LRP12: variants seen among roughly 807,000 people sequenced by gnomAD.
The protein encoded by LRP12 is LDL receptor related protein 12, also known as low-density lipoprotein receptor-related protein 12.
Under a neutral mutation model 66.0 loss-of-function variants are expected in LRP12, and 14 were observed. That is an observed-to-expected ratio of 0.21 (90% CI 0.14 to 0.33). The LOEUF (loss-of-function observed/expected upper bound fraction) is 0.33, where lower values mean the gene tolerates loss of function less well. Among genes scored for constraint, LRP12 ranks in the 10% least tolerant of loss-of-function variants. The pLI, the probability that LRP12 is intolerant of heterozygous loss-of-function variation, is 1.00. For missense variants in LRP12, 889 were observed against 1,053.4 expected (o/e 0.84, Z 2.16); for synonymous variants, 357 against 359.1 (o/e 0.99, Z 0.07).
intron 1 of LRP12, among the ~76,000 whole-genome samples, chr8:104,565,777 C>T (rs546076534): frequency 1.6e-4 from 24 of 150,726 alleles, no homozygotes; most frequent in South Asian, 8.4e-4. Flanking sequence ...AGGAGAGTGG[C>T]GTGAACTCGG....
At chr8:104,506,387 A>AT (rs1227326427) in intron 3 of LRP12, 1 of 152,062 alleles carries the variant, frequency 6.6e-6, no homozygotes, top group Non-Finnish European at 1.5e-5. Flanking sequence ...TCAGCATTCA[A>AT]TTTTTTCACA....
chr8:104,577,859 A>G (rs577066250), intron 1 of LRP12, among the ~76,000 whole-genome samples: 2 of 152,088 alleles, frequency 1.3e-5, no homozygotes, highest in East Asian at 3.9e-4. Context: ...CCAATGGAAC[A>G]AAGATACAAC....
chr8:104,574,704 T>C (rs1363865888), intron 1 of LRP12, among the ~76,000 whole-genome samples: 2 of 152,226 alleles, frequency 1.3e-5, no homozygotes, highest in East Asian at 3.8e-4. Flanking sequence ...AGACTGAGCA[T>C]GAAAAACATA....
intron 6 of LRP12, 117 bp from the exon 7 acceptor site, chr8:104,491,656 T>G (rs1810633484): frequency 3.6e-6 from 3 of 827,298 alleles, no homozygotes; most frequent in Admixed American, 6.7e-5. Context: ...TACTCATTGT[T>G]GCTTTTGGGT....
intron 5 of LRP12, chr8:104,495,864 G>A (rs1588481614): frequency 1.3e-5 from 2 of 151,166 alleles, no homozygotes; most frequent in African/African-American, 2.4e-5. Flanking sequence ...GGAGTGCAGT[G>A]AGCTGAGATC....
intron 1 of LRP12, among the ~76,000 whole-genome samples, chr8:104,544,426 A>G (rs1475364655): frequency 1.3e-5 from 2 of 152,232 alleles, no homozygotes; most frequent in Admixed American, 6.5e-5. Flanking sequence ...CAGATTCTCA[A>G]TGTAGATGAA....
intron 1 of LRP12, among the ~76,000 whole-genome samples, chr8:104,578,434 T>G (rs1812199357): frequency 6.6e-6 from 1 of 152,150 alleles, no homozygotes; most frequent in African/African-American, 2.4e-5. Context: ...CCAGATGGAT[T>G]CACAGCTGAA....
chr8:104,515,084 G>A (rs1564133296), intron 2 of LRP12, among the ~76,000 whole-genome samples: 1 of 152,106 alleles, frequency 6.6e-6, no homozygotes, highest in Non-Finnish European at 1.5e-5. Flanking sequence ...GGAAGGATAG[G>A]GTTGGGACAC....
rs1423692995 is a variant in LRP12 at position 104,541,431 on chromosome 8, G to A, written c.80-9468C>T. ...CTGTGGTTCACAAGAATAAATATGA[G>A]TTTGAAAGAATTCAGAACGCCAGGA... On this transcript the variant is annotated intron_variant, in intron 1 of 6. Coordinates refer to ENST00000276654, the MANE Select transcript of LRP12 (RefSeq NM_013437.5). 3.9e-5 allele frequency among the ~76,000 whole-genome samples: 6 copies of A among 152,232 alleles called. No homozygotes were observed. The East Asian group carries it at 1.2e-3, about 29-fold the overall frequency.
intron 1 of LRP12, among the ~76,000 whole-genome samples, chr8:104,564,319 C>T (rs777806539): frequency 4.6e-5 from 7 of 152,144 alleles, no homozygotes; most frequent in Non-Finnish European, 1.0e-4. Context: ...CTGGCACAGG[C>T]CCTGAGATTC....
chr8:104,586,793 C>T (rs760340039), intron 1 of LRP12, among the ~76,000 whole-genome samples: 16 of 152,044 alleles, frequency 1.1e-4, no homozygotes, highest in Non-Finnish European at 1.9e-4. Context: ...TCCCTTTAAT[C>T]TCTGCTGATA....
rs886665375 is a variant in LRP12, at chr8:104,540,431, T to C, written c.80-8468A>G. ...AGATGAAGATTTTTGGGAATCCCTTTCAAGTGTATGACAAATTCAGTACAT... is the reference window on the plus strand; with the variant it reads ...AGATGAAGATTTTTGGGAATCCCTTCCAAGTGTATGACAAATTCAGTACAT... On this transcript the variant is annotated intron_variant, in intron 1 of 6. Transcript: ENST00000276654. Among the ~76,000 whole-genome samples the C allele has an allele frequency of 2.6e-5, 4 of 152,298 alleles. 1 individual carries two copies. The highest frequency in any genetic ancestry group is 9.6e-5 in the African/African-American group (4 of 41,580).
chr8:104,528,636 G>C (rs7817730), intron 2 of LRP12, among the ~76,000 whole-genome samples: 1 of 151,852 alleles, frequency 6.6e-6, no homozygotes, highest in Non-Finnish European at 1.5e-5. Context: ...TTAGCTGGGC[G>C]TGGTGGCGCA....
chr8:104,588,964 A>ACGCCGACGC lies in LRP12; in HGVS notation c.-76_-68dup, dbSNP rs1554712968. 18 of 905,882 alleles carry ACGCCGACGC rather than the reference A, an allele frequency of 2.0e-5. No homozygotes were observed. Among genetic ancestry groups the ACGCCGACGC allele is most frequent in the African/African-American group, 8.2e-5 (3 of 36,466 alleles). 56.1% of individuals were successfully genotyped at this position (905,882 alleles called of 1,614,324 possible). A position where few individuals can be genotyped will look rare whatever the true frequency, so the allele number is the denominator to read the frequency against. On this transcript the variant is annotated 5_prime_UTR_variant, in exon 1 of 7. Coordinates refer to ENST00000276654, the MANE Select transcript of LRP12 (RefSeq NM_013437.5). ...AGGGAGGAGAAGCTGGAGGTAGACG[A>ACGCCGACGC]CGCCGACGCCGCCGCCGCCGCCGCC...
chr8:104,540,456 T>C (rs1016405256), intron 1 of LRP12, among the ~76,000 whole-genome samples: 1 of 152,188 alleles, frequency 6.6e-6, no homozygotes, highest in Non-Finnish European at 1.5e-5. Flanking sequence ...ATTCAGTACA[T>C]TCTTCTAAGG....
At chr8:104,565,599 C>T (rs552771273) in intron 1 of LRP12, among the ~76,000 whole-genome samples, 3 of 152,102 alleles carry the variant, frequency 2.0e-5, no homozygotes, top group Non-Finnish European at 4.4e-5. Flanking sequence ...GTGGCTCACG[C>T]CTGTAATCCC....
chr8:104,526,438 A>G (rs1811239805), intron 2 of LRP12, among the ~76,000 whole-genome samples: 1 of 151,078 alleles, frequency 6.6e-6, no homozygotes, highest in Admixed American at 6.6e-5. Context: ...ACTATACTAC[A>G]AGGCTACAGT....
At chr8:104,558,216 A>C (rs1178624896) in intron 1 of LRP12, among the ~76,000 whole-genome samples, 1 of 150,774 alleles carries the variant, frequency 6.6e-6, no homozygotes, top group African/African-American at 2.4e-5. Context: ...TCAAAAACAA[A>C]CAAACAAAAA....
At chr8:104,491,577 C>G in intron 6 of LRP12, 38 bp from the exon 7 acceptor site, 1 of 1,180,390 alleles carries the variant, frequency 8.5e-7, no homozygotes, top group Non-Finnish European at 1.1e-6. Flanking sequence ...TAGTTAACAA[C>G]AAGGTACTAA....
Sources: gnomAD v4.1 joint callset for allele counts (sites outside exome capture counted in the v4.1 genomes callset) on GRCh38, gnomAD v4.1.1 for gene constraint, MANE v1.5 for transcripts, NCBI Gene and HGNC (gene_info 2026-07-23, HGNC 2026-07-21) for gene names.